The following FCHSD2 variants were observed in gnomAD, a reference collection of about 807,000 sequenced individuals.
FCHSD2 encodes the protein FCH and double SH3 domains 2.
FCHSD2 carries 38 observed loss-of-function variants against 108.1 expected under a neutral mutation model. That is an observed-to-expected ratio of 0.35 (90% CI 0.27 to 0.46). The LOEUF is 0.46. Ranked by LOEUF, FCHSD2 falls within the 20% of genes least tolerant of loss-of-function variation. The pLI is 1.00. For synonymous variants in FCHSD2, 279 were observed against 314.7 expected (o/e 0.89, Z 1.20); for missense variants, 751 against 897.8 (o/e 0.84, Z 2.09).
intron 3 of FCHSD2, among the ~76,000 whole-genome samples, chr11:73,054,263 T>C (rs999110530): frequency 2.6e-5 from 4 of 152,116 alleles, no homozygotes; most frequent in Non-Finnish European, 4.4e-5. Context: ...TCTGGATGGT[T>C]GAACATAACC....
chr11:72,837,281 T>C lies in FCHSD2; in HGVS notation c.*1510A>G, dbSNP rs1860758151. 1.3e-5 allele frequency: 2 copies of C among 152,370 alleles called. No individual in the cohort carries two copies. The highest frequency in any genetic ancestry group is 1.3e-4 in the Admixed American group (2 of 15,262). 9.4% of individuals were successfully genotyped at this position (152,370 alleles called of 1,614,324 possible). ...ATCATGGAGAAGATTCATTAATGGGTATTGTCACTGAAGTGATCAAAGAAC... is the reference window on the plus strand; with the variant it reads ...ATCATGGAGAAGATTCATTAATGGGCATTGTCACTGAAGTGATCAAAGAAC... On this transcript the variant is annotated 3_prime_UTR_variant, in exon 20 of 20. Transcript: ENST00000409418.
chr11:72,880,014 A>G (rs572342014), intron 12 of FCHSD2, among the ~76,000 whole-genome samples: 30 of 150,462 alleles, frequency 2.0e-4, no homozygotes, highest in South Asian at 1.5e-3. Context: ...AAAAAAAAAA[A>G]AAAAAAAGTA....
chr11:73,039,045 A>G (rs1484109670), intron 3 of FCHSD2, among the ~76,000 whole-genome samples: 1 of 152,124 alleles, frequency 6.6e-6, no homozygotes, highest in African/African-American at 2.4e-5. Context: ...CTTCTTTCTA[A>G]TATTACTTAA....
chr11:72,906,473 C>T (rs539918488), intron 9 of FCHSD2, among the ~76,000 whole-genome samples: 30 of 152,100 alleles, frequency 2.0e-4, no homozygotes, highest in Non-Finnish European at 2.6e-4. Flanking sequence ...CCATTGCTTT[C>T]GGTGTTTTAG....
chr11:72,847,186 C>T (rs1334731465), intron 14 of FCHSD2, among the ~76,000 whole-genome samples: 1 of 152,070 alleles, frequency 6.6e-6, no homozygotes, highest in Non-Finnish European at 1.5e-5. Flanking sequence ...TCTGTAGAGA[C>T]CAGGTTTTTC....
chr11:73,038,272 T>C (rs1049320534), intron 3 of FCHSD2, among the ~76,000 whole-genome samples: 3 of 151,498 alleles, frequency 2.0e-5, no homozygotes, highest in African/African-American at 7.3e-5. Flanking sequence ...AGCCCAGGAG[T>C]TTGAAGCTGC....
At chr11:72,936,608 C>A (rs1191995637) in intron 8 of FCHSD2, among the ~76,000 whole-genome samples, 2 of 152,122 alleles carry the variant, frequency 1.3e-5, no homozygotes, top group African/African-American at 4.8e-5. Context: ...GACTCCATCT[C>A]TAATTTAGAA....
intron 8 of FCHSD2, among the ~76,000 whole-genome samples, chr11:72,952,889 G>T (rs1856644596): frequency 6.6e-6 from 1 of 152,116 alleles, no homozygotes; most frequent in South Asian, 2.1e-4. Context: ...CTCCTGGAGG[G>T]AGGCTTTCTT....
chr11:72,954,620 A>C (rs1371548383), intron 8 of FCHSD2, among the ~76,000 whole-genome samples: 1 of 152,134 alleles, frequency 6.6e-6, no homozygotes. Context: ...TATAGTTGTC[A>C]TTACTGAAAT....
intron 8 of FCHSD2, among the ~76,000 whole-genome samples, chr11:72,940,119 T>C (rs552482245): frequency 5.9e-5 from 9 of 152,284 alleles, no homozygotes; most frequent in East Asian, 1.9e-4. Flanking sequence ...TCTAATTCCA[T>C]AGAAGCAGGA....
At position 72,887,459 on chromosome 11, in the gene FCHSD2, T is replaced by C; in HGVS notation, c.1146+11A>G. 6.3e-7 allele frequency: 1 copy of C among 1,577,114 alleles called. No individual in the cohort carries two copies. Among genetic ancestry groups the C allele is most frequent in the East Asian group, 2.3e-5 (1 of 44,100 alleles). ...ACCTGGGCAAAATGCCACAATTAGC[T>C]GCCACCTTACCTCTGCTTTACGAAT... On this transcript the variant is annotated intron_variant, in intron 12 of 19. Coordinates refer to ENST00000409418, the MANE Select transcript of FCHSD2 (RefSeq NM_014824.3).
intron 6 of FCHSD2, among the ~76,000 whole-genome samples, chr11:72,986,678 A>T (rs1857318577): frequency 6.6e-6 from 1 of 152,142 alleles, no homozygotes; most frequent in African/African-American, 2.4e-5. Context: ...TTGCATGTAG[A>T]TCTTCCAATA....
intron 8 of FCHSD2, among the ~76,000 whole-genome samples, chr11:72,969,230 G>A (rs1387203289): frequency 6.6e-6 from 1 of 152,170 alleles, no homozygotes; most frequent in Non-Finnish European, 1.5e-5. Context: ...ATGAGAGACG[G>A]AGCTGCATTC....
intron 3 of FCHSD2, among the ~76,000 whole-genome samples, chr11:73,041,426 A>C (rs1858635286): frequency 6.6e-6 from 1 of 152,178 alleles, no homozygotes; most frequent in Admixed American, 6.5e-5. Flanking sequence ...CACCATTCTG[A>C]CTGAGGTAAG....
chr11:73,080,515 G>C (rs980892506), intron 3 of FCHSD2, among the ~76,000 whole-genome samples: 1 of 151,934 alleles, frequency 6.6e-6, no homozygotes, highest in Non-Finnish European at 1.5e-5. Context: ...AAGTAACAAA[G>C]GTACTAAAGT....
In FCHSD2 at chr11:73,083,720, G is replaced by A; in HGVS notation, c.140C>T (p.Ala47Val). ...CTGTGCATACTCTCTTTCAATAGCA[G>A]CCTTCTTCTGACTGAATGTCCTAAA... ...EDMRTFSQKKAAIEREYAQGM... is the reference protein window; with the variant it reads ...EDMRTFSQKKVAIEREYAQGM... Residue 47 changes from alanine (A) to valine (V), a missense_variant, in exon 3 of 20, where the codon GCT (alanine) becomes GTT (valine). Coordinates refer to ENST00000409418, the MANE Select transcript of FCHSD2 (RefSeq NM_014824.3). The A allele has an allele frequency of 6.5e-7, 1 of 1,545,146 alleles. No individual in the cohort carries two copies. Among genetic ancestry groups the A allele is most frequent in the Non-Finnish European group, 8.8e-7 (1 of 1,141,050 alleles).
At chr11:72,898,917 A>AT (rs1019655566) in intron 10 of FCHSD2, among the ~76,000 whole-genome samples, 14 of 146,544 alleles carry the variant, frequency 9.6e-5, no homozygotes, top group East Asian at 2.0e-4. Context: ...TATTATTATT[A>AT]TTTTTTTTTT....
At chr11:73,008,966 TAA>T (rs1411910190) in intron 4 of FCHSD2, among the ~76,000 whole-genome samples, 1 of 151,798 alleles carries the variant, frequency 6.6e-6, no homozygotes, top group East Asian at 1.9e-4. Context: ...TAAGCTTACT[TAA>T]AAGTCATTAG....
intron 2 of FCHSD2, among the ~76,000 whole-genome samples, chr11:73,111,369 C>T (rs1860480832): frequency 6.6e-6 from 1 of 151,982 alleles, no homozygotes; most frequent in Non-Finnish European, 1.5e-5. Context: ...ATACAATGAC[C>T]TTCTTTGTCT....
Sources: allele counts gnomAD v4.1 joint callset (sites outside exome capture counted in the v4.1 genomes callset), GRCh38; gene constraint gnomAD v4.1.1; transcripts MANE v1.5; gene names NCBI Gene and HGNC (gene_info 2026-07-23, HGNC 2026-07-21).